Variants in SIK3 observed in about 807,000 individuals in gnomAD.
SIK3 encodes serine/threonine-protein kinase SIK3.
SIK3 carries 28 observed loss-of-function variants against 144.2 expected under a neutral mutation model. The observed-to-expected ratio is 0.19, with a 90% CI of 0.14 to 0.27. The LOEUF (loss-of-function observed/expected upper bound fraction) is 0.27, where lower values mean the gene tolerates loss of function less well. SIK3 is among the 10% of genes least tolerant of loss of function. SIK3 has a pLI of 1.00. For synonymous variants in SIK3, 686 were observed against 676.3 expected (o/e 1.01, Z -0.22); for missense variants, 1,319 against 1,776.0 (o/e 0.74, Z 4.62).
At chr11:116,904,330 G>A (rs1945906021) in intron 4 of SIK3, among the ~76,000 whole-genome samples, 1 of 152,200 alleles carries the variant, frequency 6.6e-6, no homozygotes, top group Non-Finnish European at 1.5e-5. Flanking sequence ...GCAAGACACT[G>A]CCCTGGGTAC....
At chr11:117,083,148 TAAC>T (rs1380523493) in intron 1 of SIK3, among the ~76,000 whole-genome samples, 1 of 152,178 alleles carries the variant, frequency 6.6e-6, no homozygotes, top group African/African-American at 2.4e-5. Flanking sequence ...TGACTTGGTA[TAAC>T]AATACCCCTT....
chr11:116,958,464 G>A (rs1949226923), intron 1 of SIK3, among the ~76,000 whole-genome samples: 1 of 152,124 alleles, frequency 6.6e-6, no homozygotes, highest in Non-Finnish European at 1.5e-5. Context: ...GGAGCTACAA[G>A]GATTAATCAG....
intron 4 of SIK3, among the ~76,000 whole-genome samples, chr11:116,899,510 C>G (rs1945628444): frequency 6.6e-6 from 1 of 152,138 alleles, no homozygotes; most frequent in African/African-American, 2.4e-5. Flanking sequence ...GACAAAGTGA[C>G]ATTATTATAA....
At chr11:116,933,137 CT>C (rs35571107) in intron 3 of SIK3, among the ~76,000 whole-genome samples, 14,294 of 139,886 alleles carry the variant, frequency 0.1, 740 homozygotes, top group African/African-American at 0.21. Flanking sequence ...AACCTTGCTC[CT>C]TTTTTTTTTT....
intron 1 of SIK3, among the ~76,000 whole-genome samples, chr11:117,041,316 C>A (rs1952733441): frequency 6.6e-6 from 1 of 152,110 alleles, no homozygotes; most frequent in Admixed American, 6.6e-5. Context: ...TTTCCTCAAA[C>A]TGTATGGTAG....
chr11:117,003,551 C>T (rs1244442042), intron 1 of SIK3, among the ~76,000 whole-genome samples: 1 of 151,768 alleles, frequency 6.6e-6, no homozygotes, highest in Non-Finnish European at 1.5e-5. Flanking sequence ...AGCACTTTGA[C>T]GGGGCGGAGG....
At chr11:117,047,669 T>C (rs1156638832) in intron 1 of SIK3, among the ~76,000 whole-genome samples, 1 of 152,120 alleles carries the variant, frequency 6.6e-6, no homozygotes, top group Non-Finnish European at 1.5e-5. Flanking sequence ...CAGGGCCAGA[T>C]GTGGTGGCTC....
chr11:117,095,107 C>A (rs567170405), intron 1 of SIK3, among the ~76,000 whole-genome samples: 67 of 149,580 alleles, frequency 4.5e-4, no homozygotes, highest in Non-Finnish European at 8.0e-4. Flanking sequence ...AGCTTAACCA[C>A]GCAGTATTGG....
intron 1 of SIK3, among the ~76,000 whole-genome samples, chr11:116,998,844 A>C (rs12574810): frequency 6.6e-6 from 1 of 152,200 alleles, no homozygotes; most frequent in Non-Finnish European, 1.5e-5. Context: ...TTTGTTTACT[A>C]TAAGTATGAA....
At chr11:116,906,433 G>A (rs960055354) in intron 4 of SIK3, among the ~76,000 whole-genome samples, 17 of 152,038 alleles carry the variant, frequency 1.1e-4, no homozygotes, top group Non-Finnish European at 2.4e-4. Flanking sequence ...AGTAGTAAAA[G>A]GATAAAATAT....
chr11:116,852,247 A>C (rs1048802220), intron 21 of SIK3, among the ~76,000 whole-genome samples: 1 of 152,164 alleles, frequency 6.6e-6, no homozygotes, highest in African/African-American at 2.4e-5. Flanking sequence ...TTTATCCCTG[A>C]GAATGGGGCC....
chr11:116,927,856 G>A (rs1416938248), intron 3 of SIK3, among the ~76,000 whole-genome samples: 5 of 151,696 alleles, frequency 3.3e-5, no homozygotes, highest in Non-Finnish European at 5.9e-5. Context: ...AAAACTCCTC[G>A]ACAGAGCACT....
intron 4 of SIK3, among the ~76,000 whole-genome samples, chr11:116,897,864 CAGAGCA>C (rs1197301191): frequency 4.0e-5 from 6 of 150,660 alleles, no homozygotes; most frequent in African/African-American, 1.5e-4. Context: ...GCCTGGGCGA[CAGAGCA>C]AGACTCCGTC....
At position 116,858,120 on chromosome 11, in the gene SIK3, T is replaced by G; in HGVS notation, c.3345A>C (p.Ala1115=). Residue 1115 remains alanine (A), a synonymous_variant, in exon 21 of 25, where the codon GCA becomes GCC. Transcript: ENST00000445177. The surrounding 1 kb of genome is among the most constrained non-coding windows in gnomAD (Gnocchi z 5.4). ...TSPQHLLQIR[A]QECVSQASSP... ...AGGAAGCCTGTGAGACACATTCTTG[T>G]GCCCTGATTTGTAGCAGATGCTGGG... The G allele has an allele frequency of 6.2e-7, 1 of 1,614,212 alleles. No individual in the cohort carries two copies. Among genetic ancestry groups the G allele is most frequent in the Non-Finnish European group, 8.5e-7 (1 of 1,180,038 alleles).
chr11:116,901,342 C>T (rs1225574463), intron 4 of SIK3, among the ~76,000 whole-genome samples: 2 of 152,196 alleles, frequency 1.3e-5, no homozygotes, highest in East Asian at 3.8e-4. Context: ...ATCCTCTTGT[C>T]ACCTCCTGAC....
intron 1 of SIK3, among the ~76,000 whole-genome samples, chr11:117,007,565 A>G (rs943862044): frequency 1.1e-4 from 17 of 152,190 alleles, no homozygotes. Flanking sequence ...ACATGTGCCA[A>G]TGCACACTCA....
chr11:116,967,829 T>C (rs1949616602), intron 1 of SIK3, among the ~76,000 whole-genome samples: 1 of 152,236 alleles, frequency 6.6e-6, no homozygotes, highest in Non-Finnish European at 1.5e-5. Flanking sequence ...CCAGCCTCCC[T>C]GTGCCCATCA....
intron 6 of SIK3, among the ~76,000 whole-genome samples, chr11:116,892,373 A>G (rs1945172074): frequency 6.6e-6 from 1 of 152,264 alleles, no homozygotes; most frequent in South Asian, 2.1e-4. Context: ...CTCAACAATA[A>G]GAAAATAAAA....
At chr11:116,917,062 C>T (rs986269214) in intron 4 of SIK3, among the ~76,000 whole-genome samples, 1 of 152,066 alleles carries the variant, frequency 6.6e-6, no homozygotes, top group African/African-American at 2.4e-5. Flanking sequence ...TCAAGCGACC[C>T]TCCCATCTCA....
Sources: allele counts gnomAD v4.1 joint callset (sites outside exome capture counted in the v4.1 genomes callset), GRCh38; gene constraint gnomAD v4.1.1; non-coding constraint Gnocchi (gnomAD v3.1); transcripts MANE v1.5; gene names NCBI Gene and HGNC (gene_info 2026-07-23, HGNC 2026-07-21).